SLC38A12: variants seen among roughly 807,000 people sequenced by gnomAD.
The protein encoded by SLC38A12 is solute carrier family 38 member 12.
At chr17:74,787,552 G>A in the SLC38A12 span, among the ~76,000 whole-genome samples, 1 of 151,202 alleles carries the variant, frequency 6.6e-6, no homozygotes, top group Non-Finnish European at 1.5e-5. Flanking sequence ...AACCCGGGAA[G>A]CGGAGCTTGC....
At chr17:74,792,519 TGA>T in the SLC38A12 span, among the ~76,000 whole-genome samples, 1 of 152,210 alleles carries the variant, frequency 6.6e-6, no homozygotes, top group Admixed American at 6.5e-5. Flanking sequence ...TCCATTTCAT[TGA>T]GAGTCAGTCA....
At chr17:74,780,594 C>A in the SLC38A12 span, among the ~76,000 whole-genome samples, 4 of 152,204 alleles carry the variant, frequency 2.6e-5, no homozygotes, top group Admixed American at 6.5e-5. Flanking sequence ...CCCCACAACC[C>A]CTCCTGACCC....
At chr17:74,819,841 T>G in the SLC38A12 span, 1 of 1,613,728 alleles carries the variant, frequency 6.2e-7, no homozygotes, top group Non-Finnish European at 8.5e-7. Flanking sequence ...ATGAGATGGA[T>G]CGGTGAGTCT....
At chr17:74,806,605 C>T in the SLC38A12 span, among the ~76,000 whole-genome samples, 3 of 152,110 alleles carry the variant, frequency 2.0e-5, no homozygotes, top group East Asian at 1.9e-4. Flanking sequence ...CTATAAGAGC[C>T]CTGCCTTTCC....
At chr17:74,799,563 G>C in the SLC38A12 span, among the ~76,000 whole-genome samples, 3 of 152,166 alleles carry the variant, frequency 2.0e-5, no homozygotes, top group African/African-American at 7.2e-5. Context: ...GCTCCCTCCG[G>C]ACACCCCCTT....
At chr17:74,811,878 T>A in the SLC38A12 span, among the ~76,000 whole-genome samples, 389 of 150,928 alleles carry the variant, frequency 2.6e-3, 1 homozygote, top group African/African-American at 7.5e-3. Flanking sequence ...GCAAAAAAAA[T>A]AATAATAATA....
chr17:74,829,763 G>A, the SLC38A12 span, among the ~76,000 whole-genome samples: 6 of 152,072 alleles, frequency 3.9e-5, no homozygotes, highest in African/African-American at 7.2e-5. This position sits in a 1 kb window ranked among gnomAD's most constrained non-coding sequence, Gnocchi z 4.1. Flanking sequence ...ACCCCTCCCC[G>A]CCCAGGCCTG....
chr17:74,814,215 A>G, the SLC38A12 span, among the ~76,000 whole-genome samples: 12 of 152,108 alleles, frequency 7.9e-5, no homozygotes, highest in South Asian at 1.9e-3. Flanking sequence ...GACCTTGGAG[A>G]TGCTGGTGAT....
At chr17:74,811,351 C>CA in the SLC38A12 span, among the ~76,000 whole-genome samples, 2 of 151,140 alleles carry the variant, frequency 1.3e-5, no homozygotes, top group Non-Finnish European at 2.9e-5. Context: ...AAAAAACAAA[C>CA]AAAAAAATGC....
chr17:74,777,247 T>G, the SLC38A12 span: 1 of 1,508,208 alleles, frequency 6.6e-7, no homozygotes, highest in African/African-American at 1.4e-5. Flanking sequence ...AGGTGAAGCC[T>G]GCTCTTTTGT....
At chr17:74,812,599 C>T in the SLC38A12 span, among the ~76,000 whole-genome samples, 4 of 151,714 alleles carry the variant, frequency 2.6e-5, no homozygotes, top group African/African-American at 7.3e-5. Context: ...TTTCTTTTAT[C>T]GCTTGAAATA....
At chr17:74,812,302 G>A in the SLC38A12 span, among the ~76,000 whole-genome samples, 1 of 152,178 alleles carries the variant, frequency 6.6e-6, no homozygotes, top group Non-Finnish European at 1.5e-5. Context: ...TGACCCTGAA[G>A]CCTGTGGTCC....
At chr17:74,814,321 G>T in the SLC38A12 span, among the ~76,000 whole-genome samples, 1 of 151,510 alleles carries the variant, frequency 6.6e-6, no homozygotes, top group Non-Finnish European at 1.5e-5. Context: ...GGGGATCTTG[G>T]AGATGCCGAT....
the SLC38A12 span, among the ~76,000 whole-genome samples, chr17:74,815,623 C>T: frequency 6.6e-6 from 1 of 152,182 alleles, no homozygotes. Context: ...CACAGAAGCA[C>T]GCAGAGTCGG....
At chr17:74,833,208 G>T in the SLC38A12 span, among the ~76,000 whole-genome samples, 1 of 152,236 alleles carries the variant, frequency 6.6e-6, no homozygotes, top group East Asian at 1.9e-4. Context: ...GAGAGACAGG[G>T]TTTCACCATG....
the SLC38A12 span, chr17:74,819,975 C>T: frequency 1.3e-6 from 1 of 745,746 alleles, no homozygotes; most frequent in East Asian, 2.6e-5. Flanking sequence ...TCAGGCCTGT[C>T]TGGTCCTCCC....
the SLC38A12 span, among the ~76,000 whole-genome samples, chr17:74,780,014 A>G: frequency 6.6e-6 from 1 of 152,178 alleles, no homozygotes; most frequent in Admixed American, 6.5e-5. Flanking sequence ...TTCCCCATTT[A>G]TGAGGACCGA....
the SLC38A12 span, chr17:74,794,920 A>G: frequency 1.0e-6 from 1 of 996,540 alleles, no homozygotes. Context: ...GCTATGGGAG[A>G]GGTAGAGATT....
At chr17:74,794,548 G>A in the SLC38A12 span, among the ~76,000 whole-genome samples, 1 of 152,130 alleles carries the variant, frequency 6.6e-6, no homozygotes, top group African/African-American at 2.4e-5. Flanking sequence ...AGAGAGCTGG[G>A]CTATTTTCCA....
Sources: gnomAD v4.1 joint callset for allele counts (sites outside exome capture counted in the v4.1 genomes callset) on GRCh38, gnomAD v4.1.1 for gene constraint, Gnocchi (gnomAD v3.1) non-coding constraint, MANE v1.5 for transcripts, NCBI Gene and HGNC (gene_info 2026-07-23, HGNC 2026-07-21) for gene names.